Variants in DAB1 observed in about 807,000 individuals in gnomAD.
The protein encoded by DAB1 is DAB adaptor protein 1.
In DAB1, 15 loss-of-function variants were observed where a neutral mutation model predicts 64.6. The ratio of observed to expected loss-of-function variants is 0.23; its 90% CI spans 0.16 to 0.36. DAB1 has a LOEUF of 0.36. Among genes scored for constraint, DAB1 ranks in the 10% least tolerant of loss-of-function variants. The pLI is 1.00. For missense variants in DAB1, 596 were observed against 706.7 expected, an observed-to-expected ratio of 0.84 and a Z score of 1.78; for synonymous variants, 235 against 251.9, an observed-to-expected ratio of 0.93 and a Z score of 0.64.
At chr1:58,361,556 A>G (rs1418163253) in intron 3 of DAB1, among the ~76,000 whole-genome samples, 1 of 151,976 alleles carries the variant, frequency 6.6e-6, no homozygotes, top group African/African-American at 2.4e-5. Context: ...TGCAAACCAC[A>G]GTTTTGTTAG....
chr1:57,416,193 C>A (rs1684479954), intron 1 of DAB1, among the ~76,000 whole-genome samples: 1 of 152,090 alleles, frequency 6.6e-6, no homozygotes, highest in African/African-American at 2.4e-5. Flanking sequence ...TAGTCTGAGA[C>A]AATAAGAGAA....
intron 2 of DAB1, among the ~76,000 whole-genome samples, chr1:57,224,332 C>T (rs951353517): frequency 5.3e-5 from 8 of 152,186 alleles, no homozygotes; most frequent in Admixed American, 1.3e-4. Flanking sequence ...CTGATCACCA[C>T]CTGAGTTCTG....
intron 7 of DAB1, among the ~76,000 whole-genome samples, chr1:57,631,272 T>C (rs1004733207): frequency 6.6e-6 from 1 of 152,196 alleles, no homozygotes; most frequent in Non-Finnish European, 1.5e-5. Context: ...GAGGAAAATA[T>C]TTAGGGTTAG....
At chr1:57,334,760 G>C (rs1472692801) in intron 1 of DAB1, among the ~76,000 whole-genome samples, 5 of 152,294 alleles carry the variant, frequency 3.3e-5, no homozygotes, top group Non-Finnish European at 5.9e-5. Flanking sequence ...CCACCATACA[G>C]ATGAGGAAAC....
At chr1:58,382,126 G>A (rs1439159332) in intron 3 of DAB1, among the ~76,000 whole-genome samples, 1 of 152,178 alleles carries the variant, frequency 6.6e-6, no homozygotes, top group Non-Finnish European at 1.5e-5. Flanking sequence ...AATGGGGGAG[G>A]CAATACATCT....
intron 2 of DAB1, among the ~76,000 whole-genome samples, chr1:57,198,649 TCACACACACACACACA>T (rs57872654): frequency 5.5e-5 from 7 of 128,264 alleles, no homozygotes; most frequent in Non-Finnish European, 8.3e-5. Flanking sequence ...CTTCTCTCTC[TCACACACACACACACA>T]CACACACACA....
At chr1:58,541,241 C>G (rs373417263) in intron 1 of DAB1, among the ~76,000 whole-genome samples, 55 of 112,664 alleles carry the variant, frequency 4.9e-4, no homozygotes, top group African/African-American at 1.8e-3. Flanking sequence ...TTGCAGTGAG[C>G]CGAGATGACG....
intron 1 of DAB1, among the ~76,000 whole-genome samples, chr1:57,374,597 C>G (rs1405159220): frequency 6.6e-6 from 1 of 152,166 alleles, no homozygotes; most frequent in East Asian, 1.9e-4. Context: ...GAGTCTTGAT[C>G]TTTCCAAGAG....
At chr1:58,378,214 T>C (rs1358185882) in intron 3 of DAB1, among the ~76,000 whole-genome samples, 2 of 120,458 alleles carry the variant, frequency 1.7e-5, no homozygotes, top group Non-Finnish European at 3.7e-5. Context: ...TTTGTTCCGT[T>C]GCTGGTGAGG....
chr1:57,454,513 G>T (rs1261461017), intron 7 of DAB1, among the ~76,000 whole-genome samples: 1 of 152,074 alleles, frequency 6.6e-6, no homozygotes, highest in East Asian at 1.9e-4. Context: ...TGAGGATGGA[G>T]GGTGGGAGGA....
Position 57,966,257 on chromosome 1 carries a change from A to G in DAB1, n.388-82095T>C, listed in dbSNP as rs923543015. On this transcript the variant is annotated intron_variant and non_coding_transcript_variant, in intron 5 of 20. Transcript: ENST00000485760. The stretch of plus-strand genomic sequence containing the variant: ...AAAATTCTTGGCAGCTTCTTTCAGG[A>G]AGAGCTGACCCCTGGAATCTGGGCT... Among the ~76,000 whole-genome samples the G allele has an allele frequency of 3.9e-5, 6 of 152,284 alleles. No individual in the cohort carries two copies. The East Asian group carries it at 7.7e-4, about 20-fold the overall frequency.
intron 5 of DAB1, among the ~76,000 whole-genome samples, chr1:57,889,611 C>A (rs1220817761): frequency 6.6e-6 from 1 of 152,226 alleles, no homozygotes; most frequent in Non-Finnish European, 1.5e-5. Flanking sequence ...AAAGGACCAG[C>A]CTTCTGCCCC....
chr1:58,013,566 A>G (rs1646699349), intron 5 of DAB1, among the ~76,000 whole-genome samples: 1 of 152,178 alleles, frequency 6.6e-6, no homozygotes, highest in African/African-American at 2.4e-5. Context: ...ATCCCTAGCA[A>G]AGAGTCTGTT....
rs1238209500 is a variant in DAB1, at chr1:58,075,315, TCTC to T, written n.387+75193_387+75195del. Reference sequence around the variant, plus strand: ...TATTTACACATGGTGAGATTGTACTTCTCCTCCCCGTGAAAGATAAGTGTGGTC... The same window carrying T: ...TATTTACACATGGTGAGATTGTACTTCTCCCCGTGAAAGATAAGTGTGGTC... On this transcript the variant is annotated intron_variant and non_coding_transcript_variant, in intron 5 of 20. Transcript: ENST00000485760. Among the ~76,000 whole-genome samples, 7 of 152,322 alleles carry T rather than the reference TCTC, an allele frequency of 4.6e-5. 1 individual carries two copies. The highest frequency in any genetic ancestry group is 2.6e-4 in the Admixed American group (4 of 15,302).
chr1:57,349,754 C>G (rs779123778), intron 1 of DAB1, among the ~76,000 whole-genome samples: 1 of 152,042 alleles, frequency 6.6e-6, no homozygotes, highest in Non-Finnish European at 1.5e-5. Flanking sequence ...CCCCTCCTAG[C>G]GGGGGAAATC....
chr1:58,056,488 G>C (rs765250992), intron 5 of DAB1: 1 of 1,344,082 alleles, frequency 7.4e-7, no homozygotes, highest in South Asian at 1.2e-5. Context: ...CATCTTGGAG[G>C]CACGGACCAG....
intron 7 of DAB1, among the ~76,000 whole-genome samples, chr1:57,441,582 G>A (rs1685963461): frequency 6.6e-6 from 1 of 151,938 alleles, no homozygotes. Flanking sequence ...TCGAACTCCT[G>A]AGCTTAAGCA....
chr1:57,610,750 T>C (rs1236242563), intron 7 of DAB1, among the ~76,000 whole-genome samples: 4 of 152,118 alleles, frequency 2.6e-5, no homozygotes, highest in Non-Finnish European at 5.9e-5. Context: ...GAGAACTCAC[T>C]CACTATCATG....
intron 4 of DAB1, among the ~76,000 whole-genome samples, chr1:58,185,166 G>A (rs1457552749): frequency 6.6e-6 from 1 of 152,108 alleles, no homozygotes; most frequent in African/African-American, 2.4e-5. Context: ...CTACTCAATC[G>A]GCATATTCTA....
Sources: allele counts gnomAD v4.1 joint callset (sites outside exome capture counted in the v4.1 genomes callset), GRCh38; gene constraint gnomAD v4.1.1; transcripts MANE v1.5; gene names NCBI Gene and HGNC (gene_info 2026-07-23, HGNC 2026-07-21).